The following KIF26B variants were observed in gnomAD, a reference collection of about 807,000 sequenced individuals.
The protein encoded by KIF26B is kinesin family member 26B.
KIF26B carries 63 observed loss-of-function variants against 151.2 expected under a neutral mutation model. The ratio of observed to expected loss-of-function variants is 0.42; its 90% CI spans 0.34 to 0.51. The LOEUF (loss-of-function observed/expected upper bound fraction) is 0.51. Among genes scored for constraint, KIF26B ranks in the 20% least tolerant of loss-of-function variants. The pLI is 0.07. For missense variants in KIF26B, 2,813 were observed against 2,913.6 expected, an observed-to-expected ratio of 0.97 and a Z score of 0.79; for synonymous variants, 1,357 against 1,262.1, an observed-to-expected ratio of 1.08 and a Z score of -1.59.
chr1:245,303,355 C>A (rs558741668), intron 2 of KIF26B, among the ~76,000 whole-genome samples: 28 of 151,350 alleles, frequency 1.9e-4, no homozygotes, highest in African/African-American at 6.6e-4. Flanking sequence ...CCCGCCACCA[C>A]GCCCGGCTAA....
chr1:245,216,862 A>C lies in KIF26B; in HGVS notation c.465+60179A>C, dbSNP rs189790452. On this transcript the variant is annotated intron_variant, in intron 2 of 14. Transcript: ENST00000407071. ...ACGTTCCTGCCTCAACTGCGTCTGC[A>C]GTTTTTTGAAGTGTTTAATATAAAA... Among the ~76,000 whole-genome samples, 81 of 152,328 alleles carry C rather than the reference A, an allele frequency of 5.3e-4. 2 individuals carry two copies. Among genetic ancestry groups the C allele is most frequent in the African/African-American group, 1.8e-3 (76 of 41,582 alleles).
chr1:245,541,548 C>T (rs187156606), intron 5 of KIF26B, among the ~76,000 whole-genome samples: 22 of 152,334 alleles, frequency 1.4e-4, no homozygotes, highest in Admixed American at 7.8e-4. Context: ...TTTCTAAATT[C>T]TTTCTCCCTT....
At chr1:245,354,696 C>T (rs567707417) in intron 2 of KIF26B, among the ~76,000 whole-genome samples, 17 of 152,282 alleles carry the variant, frequency 1.1e-4, no homozygotes, top group Admixed American at 3.3e-4. Flanking sequence ...CCAGCTACAA[C>T]GGAAGAGAGC....
intron 3 of KIF26B, among the ~76,000 whole-genome samples, chr1:245,404,837 A>G (rs1464066697): frequency 6.6e-6 from 1 of 152,266 alleles, no homozygotes; most frequent in African/African-American, 2.4e-5. Context: ...ATAGACCTCA[A>G]GAAATCCAAC....
intron 2 of KIF26B, among the ~76,000 whole-genome samples, chr1:245,184,407 T>A (rs1668966818): frequency 6.6e-6 from 1 of 152,128 alleles, no homozygotes; most frequent in African/African-American, 2.4e-5. Flanking sequence ...CTGGGTTGGC[T>A]TTAGACTCTG....
At chr1:245,510,987 C>A in intron 4 of KIF26B, 2 of 670,298 alleles carry the variant, frequency 3.0e-6, no homozygotes, top group Admixed American at 2.4e-5. Flanking sequence ...TTCACCTTCG[C>A]ACAATTTTAC....
chr1:245,453,005 A>C (rs1659433660), intron 4 of KIF26B, among the ~76,000 whole-genome samples: 1 of 152,110 alleles, frequency 6.6e-6, no homozygotes, highest in African/African-American at 2.4e-5. Flanking sequence ...CTGTTGTCAA[A>C]TCCTAAGTTG....
intron 4 of KIF26B, among the ~76,000 whole-genome samples, chr1:245,514,797 G>A (rs1240751045): frequency 1.3e-5 from 2 of 152,126 alleles, no homozygotes; most frequent in Non-Finnish European, 2.9e-5. Flanking sequence ...GCTGGTCATT[G>A]CTTGACTTCT....
intron 2 of KIF26B, among the ~76,000 whole-genome samples, chr1:245,184,277 G>A (rs190252629): frequency 1.6e-4 from 24 of 151,922 alleles, no homozygotes; most frequent in Admixed American, 1.4e-3. Flanking sequence ...ATGGTAGAGT[G>A]TCAAGGTGAA....
chr1:245,417,198 TAAA>T (rs923463122), intron 3 of KIF26B, among the ~76,000 whole-genome samples: 1 of 152,008 alleles, frequency 6.6e-6, no homozygotes, highest in Non-Finnish European at 1.5e-5. Context: ...TTTTCTAAGA[TAAA>T]AAATGCTAAC....
intron 5 of KIF26B, among the ~76,000 whole-genome samples, chr1:245,586,456 TCCCTCCAGTGG>T (rs1043110101): frequency 6.6e-6 from 1 of 152,192 alleles, no homozygotes; most frequent in African/African-American, 2.4e-5. Context: ...TCCTTCTCTG[TCCCTCCAGTGG>T]CCCTCTGTTG....
intron 3 of KIF26B, among the ~76,000 whole-genome samples, chr1:245,377,161 C>T (rs921199588): frequency 4.0e-5 from 6 of 151,146 alleles, no homozygotes; most frequent in African/African-American, 7.3e-5. Context: ...GTGACCCACC[C>T]GCCTCAGCCT....
chr1:245,364,397 ATGACT>A (rs1672892599), intron 2 of KIF26B, among the ~76,000 whole-genome samples: 1 of 148,820 alleles, frequency 6.7e-6, no homozygotes, highest in Non-Finnish European at 1.5e-5. Context: ...ATGTGCAGAC[ATGACT>A]TCTCACCCTC....
chr1:245,266,243 A>G (rs945722190), intron 2 of KIF26B, among the ~76,000 whole-genome samples: 1 of 152,230 alleles, frequency 6.6e-6, no homozygotes, highest in East Asian at 1.9e-4. Context: ...CCATAATGAT[A>G]TACCATTTGA....
chr1:245,401,634 C>T (rs1438589120), intron 3 of KIF26B, among the ~76,000 whole-genome samples: 1 of 152,102 alleles, frequency 6.6e-6, no homozygotes, highest in African/African-American at 2.4e-5. Context: ...TTTGGGAGGC[C>T]GAGGCGGGCG....
At chr1:245,389,847 C>A (rs779473321) in intron 3 of KIF26B, among the ~76,000 whole-genome samples, 3 of 152,216 alleles carry the variant, frequency 2.0e-5, no homozygotes, top group African/African-American at 4.8e-5. Flanking sequence ...TTTCCCAAGG[C>A]TCATTAATAT....
chr1:245,527,953 C>T (rs565531914), intron 4 of KIF26B, among the ~76,000 whole-genome samples: 28 of 152,058 alleles, frequency 1.8e-4, no homozygotes, highest in Non-Finnish European at 3.4e-4. Flanking sequence ...TAGGAAAAGG[C>T]AAGAAGCTAT....
At chr1:245,614,129 CTT>C (rs902013091) in intron 9 of KIF26B, among the ~76,000 whole-genome samples, 2 of 152,156 alleles carry the variant, frequency 1.3e-5, no homozygotes, top group Admixed American at 6.5e-5. Flanking sequence ...GCACGCGTCT[CTT>C]GTTTCTTCTG....
chr1:245,613,349 T>C (rs552288222), intron 9 of KIF26B, among the ~76,000 whole-genome samples: 309 of 152,208 alleles, frequency 2.0e-3, no homozygotes, highest in Middle Eastern at 6.8e-3. Context: ...ACACCTGTAA[T>C]CCCAGCACTT....
Sources: allele counts gnomAD v4.1 joint callset (sites outside exome capture counted in the v4.1 genomes callset), GRCh38; gene constraint gnomAD v4.1.1; transcripts MANE v1.5; gene names NCBI Gene and HGNC (gene_info 2026-07-23, HGNC 2026-07-21).